The following ATRN variants were observed in gnomAD, a reference collection of about 807,000 sequenced individuals.
ATRN encodes the protein attractin-2.
ATRN carries 54 observed loss-of-function variants against 178.7 expected under a neutral mutation model. The observed-to-expected ratio is 0.30, with a 90% CI of 0.24 to 0.38. ATRN has a LOEUF of 0.38. ATRN is among the 10% of genes least tolerant of loss of function. ATRN has a pLI of 1.00. For missense variants in ATRN, 1,443 were observed against 1,815.1 expected (o/e 0.79, Z 3.73); for synonymous variants, 636 against 663.0 (o/e 0.96, Z 0.63).
At chr20:3,586,724 T>G (rs1031948839) in intron 18 of ATRN, among the ~76,000 whole-genome samples, 7 of 152,100 alleles carry the variant, frequency 4.6e-5, no homozygotes, top group African/African-American at 1.7e-4. Flanking sequence ...GATTATGCAT[T>G]GCATGATGCC....
rs750181417 is a variant in ATRN at position 3,644,144 on chromosome 20, C to T, written c.4051-10C>T. The T allele has an allele frequency of 2.4e-5, 39 of 1,603,754 alleles. No individual in the cohort carries two copies. Among genetic ancestry groups the T allele is most frequent in the Admixed American group, 3.3e-5 (2 of 59,954 alleles). ...GTATCACTTAAGGTAATTTTGTTTT[C>T]TTCTGCCAGACTGTTCCCAAACCCA... On this transcript the variant is annotated splice_polypyrimidine_tract_variant and intron_variant, in intron 27 of 28. Coordinates refer to ENST00000262919, the MANE Select transcript of ATRN (RefSeq NM_139321.3).
intron 1 of ATRN, among the ~76,000 whole-genome samples, chr20:3,512,155 A>G (rs1402442926): frequency 6.9e-6 from 1 of 144,360 alleles, no homozygotes; most frequent in Admixed American, 7.0e-5. Flanking sequence ...TGTGCACAAC[A>G]TGCAGGTTTG....
At chr20:3,490,118 A>C (rs2084765427) in intron 1 of ATRN, 2 of 1,474,168 alleles carry the variant, frequency 1.4e-6, no homozygotes, top group Non-Finnish European at 1.9e-6. Flanking sequence ...GATTTTTGGC[A>C]AACAAAGAGT....
intron 23 of ATRN, among the ~76,000 whole-genome samples, chr20:3,601,970 G>A (rs891256920): frequency 3.3e-5 from 5 of 151,750 alleles, no homozygotes; most frequent in Admixed American, 2.0e-4. Flanking sequence ...TACTTGCACC[G>A]TGCTGTTAGG....
intron 1 of ATRN, among the ~76,000 whole-genome samples, chr20:3,529,579 T>G (rs1019270215): frequency 3.3e-5 from 5 of 152,180 alleles, no homozygotes; most frequent in Middle Eastern, 3.2e-3. Flanking sequence ...TTGATTCCAT[T>G]AAGTCAAATT....
At chr20:3,513,427 G>A (rs578115796) in intron 1 of ATRN, among the ~76,000 whole-genome samples, 1 of 152,144 alleles carries the variant, frequency 6.6e-6, no homozygotes, top group African/African-American at 2.4e-5. Flanking sequence ...GTAGATGTGT[G>A]GTATTATTTC....
At chr20:3,521,911 A>C (rs992052197) in intron 1 of ATRN, among the ~76,000 whole-genome samples, 1 of 151,992 alleles carries the variant, frequency 6.6e-6, no homozygotes, top group African/African-American at 2.4e-5. Context: ...CCTCCTGAGT[A>C]GCTGGGACTA....
chr20:3,515,963 A>G (rs1433908352), intron 1 of ATRN, among the ~76,000 whole-genome samples: 1 of 152,208 alleles, frequency 6.6e-6, no homozygotes, highest in Non-Finnish European at 1.5e-5. Flanking sequence ...TCTCCTCATT[A>G]GTTATTCTTT....
At chr20:3,490,973 A>G (rs2084784796) in intron 1 of ATRN, 5 of 1,538,874 alleles carry the variant, frequency 3.2e-6, no homozygotes, top group Admixed American at 1.7e-5. Flanking sequence ...TCTCCTCATG[A>G]TAGCGCCGCT....
At chr20:3,646,700 G>A (rs2087110173) in intron 28 of ATRN, 23 bp from the exon 29 acceptor site, 1 of 1,577,712 alleles carries the variant, frequency 6.3e-7, no homozygotes. Flanking sequence ...CCCAGCATAT[G>A]TTCTCTCTGT....
intron 18 of ATRN, 145 bp from the exon 19 acceptor site, chr20:3,591,024 T>C: frequency 1.1e-6 from 1 of 869,952 alleles, no homozygotes; most frequent in Non-Finnish European, 1.6e-6. Context: ...TTTATCTTAT[T>C]TCTCAAATTA....
intron 7 of ATRN, 47 bp downstream of exon 7, chr20:3,559,530 A>G (rs937730274): frequency 1.3e-6 from 2 of 1,486,184 alleles, no homozygotes; most frequent in African/African-American, 1.4e-5. Flanking sequence ...AGTTTTCCTC[A>G]GTTACTTCAT....
chr20:3,541,622 C>T (rs1324972497), intron 3 of ATRN, among the ~76,000 whole-genome samples: 1 of 152,052 alleles, frequency 6.6e-6, no homozygotes, highest in Non-Finnish European at 1.5e-5. Flanking sequence ...ATTTGTATAT[C>T]TAAACATATC....
chr20:3,541,076 A>ATTTTTTTTTTTT (rs1331876349), intron 3 of ATRN, among the ~76,000 whole-genome samples: 55 of 119,012 alleles, frequency 4.6e-4, no homozygotes, highest in Non-Finnish European at 8.5e-4. Context: ...ATGATAGAGG[A>ATTTTTTTTTTTT]TTTTTTTTTT....
At chr20:3,578,466 G>T in intron 14 of ATRN, 116 bp from the exon 15 acceptor site, 1 of 881,458 alleles carries the variant, frequency 1.1e-6, no homozygotes, top group Non-Finnish European at 1.7e-6. Context: ...TCCTAATGAA[G>T]TACCTAGAAT....
At position 3,632,778 on chromosome 20, in the gene ATRN, A is replaced by G. The variant is rs979337553; in HGVS notation, c.3864-1533A>G. On this transcript the variant is annotated intron_variant, in intron 25 of 28. Transcript: ENST00000262919. The surrounding 1 kb of genome is among the most constrained non-coding windows in gnomAD (Gnocchi z 4.2). ...TGCTGGAATGTAAATTCCATGGGAC[A>G]GTAATCTTTGCTCTGTTTATCAGTG... 2.6e-5 allele frequency among the ~76,000 whole-genome samples: 4 copies of G among 152,222 alleles called. No individual in the cohort carries two copies. Among genetic ancestry groups the G allele is most frequent in the African/African-American group, 7.2e-5 (3 of 41,446 alleles).
intron 25 of ATRN, among the ~76,000 whole-genome samples, chr20:3,634,094 G>A (rs2087007955): frequency 6.6e-6 from 1 of 152,192 alleles, no homozygotes; most frequent in African/African-American, 2.4e-5. Flanking sequence ...TACCACATGG[G>A]AACGATACAG....
At chr20:3,628,164 T>A (rs934845313) in intron 25 of ATRN, among the ~76,000 whole-genome samples, 1 of 152,104 alleles carries the variant, frequency 6.6e-6, no homozygotes, top group Non-Finnish European at 1.5e-5. Flanking sequence ...AGTGCGAGAC[T>A]CCATCTCAAA....
intron 11 of ATRN, among the ~76,000 whole-genome samples, chr20:3,568,000 A>G (rs1218749870): frequency 6.6e-6 from 1 of 152,186 alleles, no homozygotes; most frequent in Non-Finnish European, 1.5e-5. Context: ...AAGGTAAAAA[A>G]TGAAACCTGG....
Sources: gnomAD v4.1 joint callset for allele counts (sites outside exome capture counted in the v4.1 genomes callset) on GRCh38, gnomAD v4.1.1 for gene constraint, Gnocchi (gnomAD v3.1) non-coding constraint, MANE v1.5 for transcripts, NCBI Gene and HGNC (gene_info 2026-07-23, HGNC 2026-07-21) for gene names.